ZC3H6: variants seen among roughly 807,000 people sequenced by gnomAD.
The protein encoded by ZC3H6 is zinc finger CCCH-type containing 6.
ZC3H6 carries 40 observed loss-of-function variants against 107.7 expected under a neutral mutation model. The observed-to-expected ratio is 0.37, with a 90% confidence interval of 0.29 to 0.48. The LOEUF (loss-of-function observed/expected upper bound fraction) is 0.48, where lower values mean the gene tolerates loss of function less well. ZC3H6 is among the 20% of genes least tolerant of loss of function. ZC3H6 has a pLI of 0.98. For missense variants in ZC3H6, 1,267 were observed against 1,410.4 expected (o/e 0.90, Z 1.63); for synonymous variants, 493 against 487.9 (o/e 1.01, Z -0.14).
chr2:112,312,666 G>A (rs902339052), intron 5 of ZC3H6, among the ~76,000 whole-genome samples: 8 of 152,084 alleles, frequency 5.3e-5, no homozygotes, highest in African/African-American at 1.9e-4. Context: ...TTCAAGACCA[G>A]CCTGGCCAAC....
At position 112,310,089 on chromosome 2, in the gene ZC3H6, T is replaced by A; in HGVS notation, c.541T>A (p.Ser181Thr). The change falls in exon 4 of 12, where the codon TCA (serine) becomes ACA (threonine). Residue 181 changes from serine (S) to threonine (T), a missense_variant. Ser to Thr is a moderately conservative substitution (Grantham distance 58, BLOSUM62 1). Transcript: ENST00000409871. ...LKQYRQAKETSNIALGSSFSK... is the reference protein window; with the variant it reads ...LKQYRQAKETTNIALGSSFSK... ...ACAATACAGGCAAGCTAAAGAAACC[T>A]CAAATATTGCTTTAGGGTCATCATT... The A allele has an allele frequency of 1.2e-6, 2 of 1,613,436 alleles. No homozygotes were observed. The highest frequency in any genetic ancestry group is 1.7e-6 in the Non-Finnish European group (2 of 1,179,680).
chr2:112,279,240 G>T (rs567111776), intron 1 of ZC3H6, among the ~76,000 whole-genome samples: 1 of 152,094 alleles, frequency 6.6e-6, no homozygotes, highest in Non-Finnish European at 1.5e-5. Flanking sequence ...GACTCCAGCC[G>T]CTCAGTTTTA....
intron 1 of ZC3H6, among the ~76,000 whole-genome samples, chr2:112,285,833 C>G (rs542710185): frequency 1.1e-4 from 16 of 152,086 alleles, no homozygotes; most frequent in Non-Finnish European, 1.9e-4. Context: ...TGGTGGCATG[C>G]GCCTGTAATC....
chr2:112,324,148 A>G lies in ZC3H6; in HGVS notation c.1341-4A>G, dbSNP rs752784716. 1 of 1,563,108 alleles carries G rather than the reference A, an allele frequency of 6.4e-7. No homozygotes were observed. Among genetic ancestry groups the G allele is most frequent in the South Asian group, 1.2e-5 (1 of 84,696 alleles). On this transcript the variant is annotated splice_region_variant and splice_polypyrimidine_tract_variant and intron_variant, in intron 9 of 11. Transcript: ENST00000409871. ...CTAAGAAATATTATTATTTCTGTCT[A>G]CAGGCCACCAGCATTTTATACCAGT...
At chr2:112,325,664 CT>C (rs912638285) in intron 11 of ZC3H6, among the ~76,000 whole-genome samples, 7 of 150,790 alleles carry the variant, frequency 4.6e-5, no homozygotes, top group African/African-American at 9.7e-5. Flanking sequence ...AAGCCTTTTG[CT>C]TTTTTTTTCT....
In ZC3H6 at chr2:112,275,666, G is replaced by C; in HGVS notation, c.-329G>C. ...AGGAGAAATCACCGTTACGGCCACT[G>C]TCCAAATCCCCGCGTCGCTGCACGC... is the stretch of plus-strand genomic sequence containing the variant. On this transcript the variant is annotated 5_prime_UTR_variant, in exon 1 of 12. Coordinates refer to ENST00000409871, the MANE Select transcript of ZC3H6 (RefSeq NM_198581.3). 1 of 415,648 alleles carries C rather than the reference G, an allele frequency of 2.4e-6. No homozygotes were observed. The highest frequency in any genetic ancestry group is 4.3e-6 in the Non-Finnish European group (1 of 234,768). The allele number at this position is 415,648 out of a possible 1,614,324, so 25.7% of individuals were successfully genotyped here. A position where few individuals can be genotyped will look rare whatever the true frequency, so the allele number is the denominator to read the frequency against.
At chr2:112,296,593 G>C (rs1676239932) in intron 1 of ZC3H6, among the ~76,000 whole-genome samples, 1 of 152,122 alleles carries the variant, frequency 6.6e-6, no homozygotes, top group Admixed American at 6.5e-5. Context: ...TAGCCAGAAT[G>C]CCAAGACTGC....
rs1676971471 is a variant in ZC3H6 at position 112,329,153 on chromosome 2, A to T, written c.2087-1852A>T. Among the ~76,000 whole-genome samples, 3 of 152,202 alleles carry T rather than the reference A, an allele frequency of 2.0e-5. No individual in the cohort carries two copies. In the South Asian group the frequency reaches 6.2e-4, roughly 32 times the overall value. On this transcript the variant is annotated intron_variant, in intron 11 of 11. Coordinates refer to ENST00000409871, the MANE Select transcript of ZC3H6 (RefSeq NM_198581.3). ...AATTTTTATGGATTTTAATGCTTTT[A>T]TGCATTTTATCTCTGCTTTGATAAA...
intron 1 of ZC3H6, among the ~76,000 whole-genome samples, chr2:112,289,631 A>G (rs1187934604): frequency 6.6e-6 from 1 of 151,818 alleles, no homozygotes. Context: ...GCCCTGAACC[A>G]CTCTTCATCA....
intron 1 of ZC3H6, among the ~76,000 whole-genome samples, chr2:112,294,378 A>G (rs1676187341): frequency 6.6e-6 from 1 of 152,236 alleles, no homozygotes; most frequent in Non-Finnish European, 1.5e-5. Flanking sequence ...TGGTCTTAGG[A>G]TAAGCATTCT....
At chr2:112,327,726 A>G (rs1171324694) in intron 11 of ZC3H6, among the ~76,000 whole-genome samples, 1 of 152,134 alleles carries the variant, frequency 6.6e-6, no homozygotes, top group Non-Finnish European at 1.5e-5. Context: ...TCTTCTGCAT[A>G]TGGATATCCA....
At chr2:112,276,390 G>A (rs943405482) in intron 1 of ZC3H6, among the ~76,000 whole-genome samples, 1 of 151,862 alleles carries the variant, frequency 6.6e-6, no homozygotes, top group Non-Finnish European at 1.5e-5. Flanking sequence ...GGCCAGATAG[G>A]ACCAGCCAGG....
At chr2:112,281,724 G>A (rs1269508459) in intron 1 of ZC3H6, among the ~76,000 whole-genome samples, 1 of 152,126 alleles carries the variant, frequency 6.6e-6, no homozygotes, top group Admixed American at 6.6e-5. Context: ...ATAAATATCT[G>A]GAATTTTTAG....
Position 112,334,679 on chromosome 2 carries a change from CTTAT to C in ZC3H6, c.*2197_*2200del, listed in dbSNP as rs768619692. 3 of 152,330 alleles carry C rather than the reference CTTAT, an allele frequency of 2.0e-5. No individual in the cohort carries two copies. Among genetic ancestry groups the C allele is most frequent in the Non-Finnish European group, 1.5e-5 (1 of 67,906 alleles). The allele number at this position is 152,330 out of a possible 1,614,324, so 9.4% of individuals were successfully genotyped here. On this transcript the variant is annotated 3_prime_UTR_variant, in exon 12 of 12. Transcript: ENST00000409871. ...ATGAAAATGTTTATGTTTAAAATAACTTATTTATTATGCAGCATTTTTATTGTGA... is the reference window on the plus strand; with the variant it reads ...ATGAAAATGTTTATGTTTAAAATAACTTATTATGCAGCATTTTTATTGTGA...
Position 112,331,944 on chromosome 2 carries a change from C to T in ZC3H6, c.3026C>T (p.Ser1009Leu). The change falls in exon 12 of 12, where the codon TCA (serine) becomes TTA (leucine). Residue 1009 changes from serine to leucine, a missense_variant. Transcript: ENST00000409871. The stretch of plus-strand genomic sequence containing the variant: ...TCAAACCCTGGTTCATCACAGCCCT[C>T]AGGGGCAGGAACTAGCAATTCTGGT... ...PRSNPGSSQP[S>L]GAGTSNSGSG... 6.2e-7 allele frequency: 1 copy of T among 1,613,992 alleles called. No homozygotes were observed. The highest frequency in any genetic ancestry group is 1.3e-5 in the African/African-American group (1 of 75,044).
At chr2:112,298,515 A>G (rs752873184) in intron 1 of ZC3H6, among the ~76,000 whole-genome samples, 2 of 152,272 alleles carry the variant, frequency 1.3e-5, no homozygotes, top group Admixed American at 6.5e-5. Flanking sequence ...ATACACGTCA[A>G]AATTCATGAG....
rs1677210748 is a variant in ZC3H6 at position 112,339,851 on chromosome 2, C to T, written c.*7363C>T. ...TAATGACGTTGTTAATCTGTCTGCT[C>T]AAAAGACACCAGCAAGGGGGTATAC... On this transcript the variant is annotated 3_prime_UTR_variant, in exon 12 of 12. Transcript: ENST00000409871. 1.3e-5 allele frequency: 2 copies of T among 152,002 alleles called. No homozygotes were observed. 9.4% of individuals were successfully genotyped at this position (152,002 alleles called of 1,614,324 possible).
intron 1 of ZC3H6, among the ~76,000 whole-genome samples, chr2:112,276,303 G>T (rs369865413): frequency 2.7e-5 from 4 of 150,494 alleles, no homozygotes; most frequent in African/African-American, 4.8e-5. Context: ...GGCGGGCTCC[G>T]TGTGCGCCGG....
At chr2:112,314,626 G>A (rs1318120423) in intron 5 of ZC3H6, among the ~76,000 whole-genome samples, 1 of 151,950 alleles carries the variant, frequency 6.6e-6, no homozygotes, top group East Asian at 1.9e-4. Flanking sequence ...ATATTCCTCA[G>A]GTTGCTCATT....
Sources: gnomAD v4.1 joint callset for allele counts (sites outside exome capture counted in the v4.1 genomes callset) on GRCh38, gnomAD v4.1.1 for gene constraint, MANE v1.5 for transcripts, NCBI Gene and HGNC (gene_info 2026-07-23, HGNC 2026-07-21) for gene names.